The following SNX30 variants were observed in gnomAD, a reference collection of about 807,000 sequenced individuals.
SNX30 encodes sorting nexin-30.
Under a neutral mutation model 46.4 loss-of-function variants are expected in SNX30, and 24 were observed. The ratio of observed to expected loss-of-function variants is 0.52; its 90% CI spans 0.37 to 0.73. The LOEUF (loss-of-function observed/expected upper bound fraction) is 0.73, where lower values mean the gene tolerates loss of function less well. Ranked by LOEUF, SNX30 falls within the 30% of genes least tolerant of loss-of-function variation. SNX30 has a pLI of 0.00. For synonymous variants in SNX30, 189 were observed against 211.5 expected, an observed-to-expected ratio of 0.89 and a Z score of 0.92; for missense variants, 533 against 555.7, an observed-to-expected ratio of 0.96 and a Z score of 0.41.
chr9:112,796,310 C>T (rs1840106267), intron 1 of SNX30, among the ~76,000 whole-genome samples: 1 of 152,242 alleles, frequency 6.6e-6, no homozygotes, highest in Admixed American at 6.5e-5. Flanking sequence ...CCTAGCATGG[C>T]ATCCTGCCTG....
chr9:112,755,521 A>G (rs1164647696), intron 1 of SNX30, among the ~76,000 whole-genome samples: 1 of 151,982 alleles, frequency 6.6e-6, no homozygotes, highest in East Asian at 1.9e-4. Context: ...GGGACATTTC[A>G]GGGTCTTGAG....
At chr9:112,875,152 TCTTCA>T (rs1343214787), downstream of SNX30, 1 of 152,204 alleles carries the variant, frequency 6.6e-6, no homozygotes, top group Non-Finnish European at 1.5e-5. Flanking sequence ...TTTTTATTCT[TCTTCA>T]CTTCTTTATA....
At chr9:112,779,899 A>T (rs1325816990) in intron 1 of SNX30, among the ~76,000 whole-genome samples, 1 of 152,106 alleles carries the variant, frequency 6.6e-6, no homozygotes, top group African/African-American at 2.4e-5. Flanking sequence ...GGACGTGGGG[A>T]ATCTCTCAGC....
At chr9:112,829,190 T>C (rs1242039970) in intron 3 of SNX30, among the ~76,000 whole-genome samples, 1 of 152,234 alleles carries the variant, frequency 6.6e-6, no homozygotes, top group African/African-American at 2.4e-5. Context: ...CTTTTGGTCA[T>C]TGTAAACAAG....
At chr9:112,847,461 TTA>T (rs1491327238) in intron 6 of SNX30, among the ~76,000 whole-genome samples, 40 of 150,436 alleles carry the variant, frequency 2.7e-4, no homozygotes, top group South Asian at 1.7e-3. Flanking sequence ...TTTTTTTTTT[TTA>T]AAAAGGACTA....
intron 7 of SNX30, among the ~76,000 whole-genome samples, chr9:112,862,052 C>G (rs1222185465): frequency 1.3e-5 from 2 of 152,226 alleles, no homozygotes; most frequent in East Asian, 1.9e-4. Context: ...TCCTCAGTGC[C>G]AAGCACAGAA....
chr9:112,751,285 C>A, intron 1 of SNX30, 128 bp downstream of exon 1: 1 of 1,177,744 alleles, frequency 8.5e-7, no homozygotes, highest in Non-Finnish European at 1.1e-6. Context: ...ACGGGCGTGT[C>A]CTGGCCCCGG....
At chr9:112,868,697 A>C in intron 8 of SNX30, 87 bp from the exon 9 acceptor site, 1 of 1,414,790 alleles carries the variant, frequency 7.1e-7, no homozygotes, top group Non-Finnish European at 1.0e-6. Context: ...CAGGATCGAC[A>C]ACGAAAGGGT....
intron 3 of SNX30, among the ~76,000 whole-genome samples, chr9:112,822,335 C>G (rs976931048): frequency 6.6e-6 from 1 of 152,054 alleles, no homozygotes; most frequent in Non-Finnish European, 1.5e-5. Flanking sequence ...GTTGGAGCTG[C>G]CAGAAAGTCT....
intron 4 of SNX30, among the ~76,000 whole-genome samples, chr9:112,834,842 AAACACACAC>A (rs1840723165): frequency 9.3e-6 from 1 of 107,324 alleles, no homozygotes; most frequent in African/African-American, 3.3e-5. Context: ...ACACACACAC[AAACACACAC>A]ACACACACAC....
intron 1 of SNX30, among the ~76,000 whole-genome samples, chr9:112,775,542 TTGTGTGTGTGTGTGTGTGTGTGTGTG>T (rs199600863): frequency 7.6e-6 from 1 of 131,336 alleles, no homozygotes; most frequent in Admixed American, 7.7e-5. Context: ...TATTTTAAAT[TTGTGTGTGTGTGTGTGTGTGTGTGTG>T]TGTGTGTGTG....
At chr9:112,811,148 G>C (rs1391014255) in intron 2 of SNX30, among the ~76,000 whole-genome samples, 2 of 152,238 alleles carry the variant, frequency 1.3e-5, no homozygotes, top group Non-Finnish European at 2.9e-5. Context: ...TGGAAGAAAG[G>C]AAGGCAGAGG....
intron 1 of SNX30, among the ~76,000 whole-genome samples, chr9:112,795,810 G>T (rs1840100101): frequency 1.5e-5 from 2 of 134,844 alleles, no homozygotes; most frequent in Admixed American, 1.5e-4. Context: ...CACATGATGA[G>T]CAAGGCACAG....
intron 7 of SNX30, chr9:112,856,908 GC>G (rs1399701042): frequency 1.3e-5 from 2 of 152,478 alleles, no homozygotes; most frequent in African/African-American, 2.4e-5. Context: ...GCCACCCTCT[GC>G]CAGTGCGGTG....
Position 112,836,211 on chromosome 9 carries a change from C to T in SNX30, c.619-3C>T, listed in dbSNP as rs1218081622. On this transcript the variant is annotated splice_polypyrimidine_tract_variant and splice_region_variant and intron_variant, in intron 4 of 8. Coordinates refer to ENST00000374232, the MANE Select transcript of SNX30 (RefSeq NM_001012994.2). Reference sequence around the variant, plus strand: ...TTTGAGCTTATTCACATATCATCCTCAGGACCTGAACGCCTACAAGAAGCA... The same window carrying T: ...TTTGAGCTTATTCACATATCATCCTTAGGACCTGAACGCCTACAAGAAGCA... 6.3e-7 allele frequency: 1 copy of T among 1,588,900 alleles called. No homozygotes were observed. The highest frequency in any genetic ancestry group is 8.6e-7 in the Non-Finnish European group (1 of 1,159,126).
chr9:112,884,410 C>T (rs1841619990), downstream of SNX30, among the ~76,000 whole-genome samples: 1 of 152,228 alleles, frequency 6.6e-6, no homozygotes, highest in East Asian at 1.9e-4. Context: ...ATGGTACAGC[C>T]TTGGCCCCTC....
At chr9:112,814,768 A>T (rs1233248364) in intron 2 of SNX30, among the ~76,000 whole-genome samples, 1 of 152,236 alleles carries the variant, frequency 6.6e-6, no homozygotes, top group Non-Finnish European at 1.5e-5. Flanking sequence ...TTTGTCAATT[A>T]AAAAGTATAT....
intron 7 of SNX30, among the ~76,000 whole-genome samples, chr9:112,857,699 T>A (rs1016907631): frequency 6.6e-6 from 1 of 152,120 alleles, no homozygotes; most frequent in East Asian, 1.9e-4. Flanking sequence ...GAGACTTAAG[T>A]TGAGATTTCT....
chr9:112,774,181 T>G (rs1287114115), intron 1 of SNX30, among the ~76,000 whole-genome samples: 1 of 152,212 alleles, frequency 6.6e-6, no homozygotes, highest in Non-Finnish European at 1.5e-5. Flanking sequence ...TTCAGGGCTT[T>G]TCAGGTTTCT....
Sources: gnomAD v4.1 joint callset for allele counts (sites outside exome capture counted in the v4.1 genomes callset) on GRCh38, gnomAD v4.1.1 for gene constraint, MANE v1.5 for transcripts, NCBI Gene and HGNC (gene_info 2026-07-23, HGNC 2026-07-21) for gene names.